Variants in PTPRD observed in about 807,000 individuals in gnomAD.
PTPRD encodes the protein receptor-type tyrosine-protein phosphatase delta.
In PTPRD, 34 loss-of-function variants were observed where a neutral mutation model predicts 214.5. That is an observed-to-expected ratio of 0.16 (90% CI 0.12 to 0.21). The LOEUF (loss-of-function observed/expected upper bound fraction) is 0.21, where lower values mean the gene tolerates loss of function less well. Among genes scored for constraint, PTPRD ranks in the 10% least tolerant of loss-of-function variants. PTPRD has a pLI of 1.00. For missense variants in PTPRD, 2,545 were observed against 2,398.7 expected, an observed-to-expected ratio of 1.06 and a Z score of -1.27; for synonymous variants, 1,128 against 845.7, an observed-to-expected ratio of 1.33 and a Z score of -5.79.
intron 7 of PTPRD, among the ~76,000 whole-genome samples, chr9:9,671,255 C>T (rs931502912): frequency 2.6e-5 from 4 of 152,050 alleles, no homozygotes; most frequent in Non-Finnish European, 5.9e-5. Flanking sequence ...CTTGCATGGG[C>T]CCTGTAACCC....
chr9:10,064,155 C>T (rs1166255891), intron 3 of PTPRD, among the ~76,000 whole-genome samples: 1 of 151,450 alleles, frequency 6.6e-6, no homozygotes, highest in Non-Finnish European at 1.5e-5. Context: ...TTATCTTTAC[C>T]AGAATTATTC....
intron 30 of PTPRD, among the ~76,000 whole-genome samples, chr9:8,471,464 G>GT (rs2096651629): frequency 1.3e-5 from 2 of 152,168 alleles, no homozygotes; most frequent in African/African-American, 4.8e-5. Context: ...ATAAGAAGAT[G>GT]TTTTTAAAAG....
chr9:10,008,612 C>T (rs2096536201), intron 4 of PTPRD, among the ~76,000 whole-genome samples: 1 of 151,772 alleles, frequency 6.6e-6, no homozygotes, highest in African/African-American at 2.4e-5. Context: ...TTAGCCAATC[C>T]ATTCAGCATA....
At chr9:9,192,942 G>A (rs935817247) in intron 9 of PTPRD, among the ~76,000 whole-genome samples, 2 of 151,950 alleles carry the variant, frequency 1.3e-5, no homozygotes, top group African/African-American at 4.8e-5. Flanking sequence ...CCTCCACCCT[G>A]CAATCATTTT....
intron 2 of PTPRD, among the ~76,000 whole-genome samples, chr9:10,497,536 T>G (rs1482482496): frequency 6.6e-6 from 1 of 152,048 alleles, no homozygotes; most frequent in Non-Finnish European, 1.5e-5. Flanking sequence ...TTCAAACATG[T>G]ATTTTATTTG....
At chr9:10,052,245 A>C (rs2097548011) in intron 3 of PTPRD, among the ~76,000 whole-genome samples, 1 of 152,150 alleles carries the variant, frequency 6.6e-6, no homozygotes, top group Non-Finnish European at 1.5e-5. Context: ...TGCCTTTACA[A>C]ATCAATACTG....
intron 2 of PTPRD, among the ~76,000 whole-genome samples, chr9:10,364,894 C>T (rs75168036): frequency 0.043 from 6,547 of 152,236 alleles, 205 homozygotes; most frequent in Non-Finnish European, 0.067. Flanking sequence ...CCACTTAACG[C>T]TGTACAATGG....
At chr9:9,965,967 G>A (rs2154031068) in intron 4 of PTPRD, among the ~76,000 whole-genome samples, 1 of 152,212 alleles carries the variant, frequency 6.6e-6, no homozygotes, top group South Asian at 2.1e-4. Context: ...TCTTTTGTTT[G>A]CTTTTGAGTA....
chr9:9,949,711 A>C (rs896601994), intron 4 of PTPRD, among the ~76,000 whole-genome samples: 18 of 152,256 alleles, frequency 1.2e-4, no homozygotes, highest in African/African-American at 9.6e-5. Context: ...ACAACAACAA[A>C]AAAAATGCTT....
At chr9:8,562,944 A>C (rs2087037349) in intron 14 of PTPRD, among the ~76,000 whole-genome samples, 1 of 150,872 alleles carries the variant, frequency 6.6e-6, no homozygotes, top group Admixed American at 6.6e-5. Flanking sequence ...AGTCAAACTT[A>C]GTGTTTTTTG....
Position 9,018,747 on chromosome 9 carries a change from A to G in PTPRD, c.-142-12T>C, listed in dbSNP as rs558270340. The G allele has an allele frequency of 6.6e-6, 1 of 152,308 alleles. No individual in the cohort carries two copies. The highest frequency in any genetic ancestry group is 2.1e-4 in the South Asian group (1 of 4,828). The allele number at this position is 152,308 out of a possible 1,614,324, so 9.4% of individuals were successfully genotyped here. On this transcript the variant is annotated splice_polypyrimidine_tract_variant and intron_variant, in intron 10 of 45. Transcript: ENST00000381196. ...CACCAGACGTCTCCCTAAACAAAGA[A>G]GAAATGTGACAACAATTAAAATGTG... is the stretch of plus-strand genomic sequence containing the variant.
chr9:10,525,117 C>A (rs1401704419), intron 2 of PTPRD, among the ~76,000 whole-genome samples: 2 of 151,446 alleles, frequency 1.3e-5, no homozygotes, highest in African/African-American at 2.4e-5. Context: ...TTCTTTTATT[C>A]CAAGAGAATA....
chr9:8,587,598 T>C (rs1414602463), intron 14 of PTPRD, among the ~76,000 whole-genome samples: 2 of 152,120 alleles, frequency 1.3e-5, no homozygotes, highest in Non-Finnish European at 2.9e-5. Context: ...GAAAGCTGAA[T>C]TTGGAAAAAA....
intron 5 of PTPRD, among the ~76,000 whole-genome samples, chr9:9,882,700 G>C (rs1341518830): frequency 6.6e-6 from 1 of 152,060 alleles, no homozygotes; most frequent in Non-Finnish European, 1.5e-5. Flanking sequence ...TGTTAAGGAG[G>C]AAGTCTTGTC....
rs192853267 is a variant in PTPRD, at chr9:9,193,825, T to G, written c.-202-10462A>C. On this transcript the variant is annotated intron_variant, in intron 9 of 45. Transcript: ENST00000381196. The stretch of plus-strand genomic sequence containing the variant: ...ACATTACTGTGCACAACTGTAGACT[T>G]TATACGCACTGTAAACTTTGGCTAC... Among the ~76,000 whole-genome samples the G allele has an allele frequency of 2.0e-5, 3 of 150,824 alleles. No homozygotes were observed. The East Asian group carries it at 7.6e-4, about 38-fold the overall frequency.
intron 5 of PTPRD, among the ~76,000 whole-genome samples, chr9:9,850,308 T>C (rs1239978583): frequency 6.6e-6 from 1 of 152,160 alleles, no homozygotes; most frequent in Non-Finnish European, 1.5e-5. Flanking sequence ...CAGGAAAGAA[T>C]TCTGGCTCAT....
intron 4 of PTPRD, among the ~76,000 whole-genome samples, chr9:10,030,755 G>A (rs1165672364): frequency 3.9e-5 from 6 of 152,152 alleles, no homozygotes; most frequent in Non-Finnish European, 8.8e-5. Context: ...CCTGAACACT[G>A]CCCATGGATT....
chr9:8,733,732 A>G (rs1565648627), intron 12 of PTPRD, 48 bp downstream of exon 12: 2 of 1,545,440 alleles, frequency 1.3e-6, no homozygotes, highest in East Asian at 2.4e-5. Flanking sequence ...TGCAAACAAA[A>G]CCACTCATTA....
chr9:8,399,167 A>G (rs2091914007), intron 36 of PTPRD, among the ~76,000 whole-genome samples: 1 of 138,800 alleles, frequency 7.2e-6, no homozygotes, highest in Non-Finnish European at 1.5e-5. Context: ...TTATTTGCCT[A>G]CTTATCTTTT....
Sources: gnomAD v4.1 joint callset for allele counts (sites outside exome capture counted in the v4.1 genomes callset) on GRCh38, gnomAD v4.1.1 for gene constraint, MANE v1.5 for transcripts, NCBI Gene and HGNC (gene_info 2026-07-23, HGNC 2026-07-21) for gene names.